Variants in CNTNAP2 observed in about 807,000 individuals in gnomAD.
The protein encoded by CNTNAP2 is contactin-associated protein-like 2.
CNTNAP2 carries 98 observed loss-of-function variants against 155.2 expected under a neutral mutation model. The observed-to-expected ratio is 0.63, with a 90% CI of 0.54 to 0.75. The LOEUF (loss-of-function observed/expected upper bound fraction) is 0.75. Ranked by LOEUF, CNTNAP2 falls within the 30% of genes least tolerant of loss-of-function variation. The pLI, the probability that CNTNAP2 is intolerant of heterozygous loss-of-function variation, is 0.00. For missense variants in CNTNAP2, 1,727 were observed against 1,688.1 expected (o/e 1.02, Z -0.40); for synonymous variants, 651 against 631.2 (o/e 1.03, Z -0.47).
chr7:146,354,455 C>G (rs965152385), intron 1 of CNTNAP2, among the ~76,000 whole-genome samples: 2 of 146,010 alleles, frequency 1.4e-5, no homozygotes, highest in African/African-American at 5.3e-5. Flanking sequence ...CACTCTGTCG[C>G]CCCGCCTGGA....
rs752072791 is a variant in CNTNAP2, at chr7:147,639,305, A to G, written c.2097A>G (p.Pro699=). 6.2e-7 allele frequency: 1 copy of G among 1,613,646 alleles called. No individual in the cohort carries two copies. Among genetic ancestry groups the G allele is most frequent in the African/African-American group, 1.3e-5 (1 of 74,910 alleles). The part of the protein sequence containing the change: ...FCKMSRLLNT[P]DGSPYTWWVG... ...AGATGTCAAGATTGTTGAACACCCC[A>G]GGTAGGCTGAGAATGGAATGTTACT... Residue 699 remains proline (P), a splice_region_variant and synonymous_variant, in exon 13 of 24, where the codon CCA becomes CCG. Coordinates refer to ENST00000361727, the MANE Select transcript of CNTNAP2 (RefSeq NM_014141.6).
intron 15 of CNTNAP2, among the ~76,000 whole-genome samples, chr7:148,110,975 C>A (rs895123984): frequency 6.6e-6 from 1 of 152,204 alleles, no homozygotes; most frequent in African/African-American, 2.4e-5. Flanking sequence ...ATTCTTCTCT[C>A]AAGATATTGA....
intron 9 of CNTNAP2, among the ~76,000 whole-genome samples, chr7:147,329,769 A>G (rs938141398): frequency 1.4e-5 from 2 of 144,066 alleles, no homozygotes; most frequent in African/African-American, 5.1e-5. Context: ...CGCCATTTAT[A>G]GTTCTTAATT....
intron 13 of CNTNAP2, among the ~76,000 whole-genome samples, chr7:147,818,088 A>C (rs568453022): frequency 6.6e-6 from 1 of 152,228 alleles, no homozygotes; most frequent in African/African-American, 2.4e-5. Context: ...TTCCCACATA[A>C]CTGTATATCT....
intron 1 of CNTNAP2, among the ~76,000 whole-genome samples, chr7:146,279,814 A>T (rs1199639789): frequency 6.6e-6 from 1 of 151,836 alleles, no homozygotes; most frequent in African/African-American, 2.4e-5. Flanking sequence ...AATAATTTTT[A>T]AAACATGCTT....
chr7:147,027,828 A>G (rs1270491425), intron 3 of CNTNAP2, among the ~76,000 whole-genome samples: 1 of 152,258 alleles, frequency 6.6e-6, no homozygotes, highest in Non-Finnish European at 1.5e-5. Flanking sequence ...AGAGCCATGG[A>G]CATGACAGAG....
chr7:148,225,414 A>G (rs757776703), intron 19 of CNTNAP2, among the ~76,000 whole-genome samples: 1 of 152,150 alleles, frequency 6.6e-6, no homozygotes, highest in Non-Finnish European at 1.5e-5. Context: ...GAACAGAAGA[A>G]CCGGTGACTG....
intron 1 of CNTNAP2, among the ~76,000 whole-genome samples, chr7:146,159,485 T>A (rs1798182183): frequency 6.6e-6 from 1 of 152,060 alleles, no homozygotes; most frequent in Non-Finnish European, 1.5e-5. Context: ...TGTGCTGTAT[T>A]CAGGAGACCC....
intron 15 of CNTNAP2, among the ~76,000 whole-genome samples, chr7:148,039,170 T>C (rs564844179): frequency 6.6e-6 from 1 of 152,302 alleles, no homozygotes; most frequent in South Asian, 2.1e-4. Flanking sequence ...GGGAAAATTA[T>C]TGGTGTAACT....
At chr7:146,486,214 G>A (rs1379752378) in intron 1 of CNTNAP2, among the ~76,000 whole-genome samples, 2 of 151,662 alleles carry the variant, frequency 1.3e-5, no homozygotes, top group East Asian at 2.0e-4. Flanking sequence ...ACAGGCACCC[G>A]CCACCGCGCC....
chr7:148,192,387 T>G (rs560055496), intron 18 of CNTNAP2, among the ~76,000 whole-genome samples: 1 of 152,212 alleles, frequency 6.6e-6, no homozygotes, highest in African/African-American at 2.4e-5. Context: ...CCTTAGACTA[T>G]GTATGTCACA....
At chr7:148,076,354 T>C (rs1222313912) in intron 15 of CNTNAP2, among the ~76,000 whole-genome samples, 2 of 147,902 alleles carry the variant, frequency 1.4e-5, no homozygotes, top group African/African-American at 4.9e-5. Context: ...CAAAGAATGA[T>C]CTCGCCCAAA....
chr7:147,265,776 C>T (rs2116694612), intron 8 of CNTNAP2, among the ~76,000 whole-genome samples: 1 of 152,184 alleles, frequency 6.6e-6, no homozygotes, highest in South Asian at 2.1e-4. Flanking sequence ...CGGTCGGTGC[C>T]CCTTGAGGAC....
chr7:147,339,227 A>G (rs1054906282), intron 9 of CNTNAP2, among the ~76,000 whole-genome samples: 4 of 152,046 alleles, frequency 2.6e-5, no homozygotes, highest in African/African-American at 7.2e-5. Flanking sequence ...TTAATCCCCT[A>G]TACATCAGTG....
intron 11 of CNTNAP2, among the ~76,000 whole-genome samples, chr7:147,542,858 A>G (rs1459867602): frequency 2.6e-5 from 4 of 152,238 alleles, no homozygotes; most frequent in South Asian, 2.1e-4. Context: ...TCAGACCTAC[A>G]TATGTATTTG....
At chr7:147,236,645 C>T (rs1803812001) in intron 8 of CNTNAP2, among the ~76,000 whole-genome samples, 1 of 150,558 alleles carries the variant, frequency 6.6e-6, no homozygotes, top group Non-Finnish European at 1.5e-5. Context: ...AGAGTGCTTT[C>T]TCTAGAAAGA....
At chr7:147,847,859 T>C (rs1798838062) in intron 13 of CNTNAP2, among the ~76,000 whole-genome samples, 1 of 105,088 alleles carries the variant, frequency 9.5e-6, no homozygotes, top group Non-Finnish European at 1.9e-5. Flanking sequence ...CCCTGCCGTG[T>C]GAGGTGTCAG....
intron 1 of CNTNAP2, among the ~76,000 whole-genome samples, chr7:146,289,255 G>A (rs372753598): frequency 3.9e-5 from 6 of 152,254 alleles, no homozygotes; most frequent in Admixed American, 2.6e-4. Context: ...AATGAACAAA[G>A]TTAAGAAGGC....
intron 1 of CNTNAP2, among the ~76,000 whole-genome samples, chr7:146,634,548 C>T (rs1031208577): frequency 6.6e-6 from 1 of 152,046 alleles, no homozygotes; most frequent in Non-Finnish European, 1.5e-5. Flanking sequence ...ACTGATTTTA[C>T]CCCTGATCAG....
Sources: gnomAD v4.1 joint callset for allele counts (sites outside exome capture counted in the v4.1 genomes callset) on GRCh38, gnomAD v4.1.1 for gene constraint, MANE v1.5 for transcripts, NCBI Gene and HGNC (gene_info 2026-07-23, HGNC 2026-07-21) for gene names.